LSP1: variants seen among roughly 807,000 people sequenced by gnomAD.
The protein encoded by LSP1 is lymphocyte-specific protein 1.
A neutral mutation model predicts 49.3 loss-of-function variants in LSP1; 32 were observed. That is an observed-to-expected ratio of 0.65 (90% confidence interval 0.49 to 0.87). LSP1 has a LOEUF of 0.87. Ranked by LOEUF, LSP1 falls within the 40% of genes least tolerant of loss-of-function variation. The probability of loss-of-function intolerance (pLI) is 0.00; values close to 1 mark genes in which losing one functional copy is unlikely to be tolerated. For synonymous variants in LSP1, 179 were observed against 178.8 expected, an observed-to-expected ratio of 1.00 and a Z score of -0.01; for missense variants, 428 against 442.6, an observed-to-expected ratio of 0.97 and a Z score of 0.30.
intron 1 of LSP1, among the ~76,000 whole-genome samples, chr11:1,854,541 C>T (rs1259910331): frequency 6.6e-6 from 1 of 152,212 alleles, no homozygotes; most frequent in African/African-American, 2.4e-5. Context: ...TGACTTCTTG[C>T]TGCCAAATCC....
In LSP1 at chr11:1,879,733, G is replaced by C. The variant is rs189187705; in HGVS notation, c.54-354G>C. Among the ~76,000 whole-genome samples, 279 of 152,350 alleles carry C rather than the reference G, an allele frequency of 1.8e-3. 2 individuals carry two copies. Among genetic ancestry groups the C allele is most frequent in the African/African-American group, 6.4e-3 (268 of 41,574 alleles). On this transcript the variant is annotated intron_variant, in intron 1 of 10. Transcript: ENST00000311604. ...GGGTCTAGGTCCTGGTTCTACTTAGGGAGGGAGGCAGGCTGGGAGAGGGGG... is the reference window on the plus strand; with the variant it reads ...GGGTCTAGGTCCTGGTTCTACTTAGCGAGGGAGGCAGGCTGGGAGAGGGGG...
In LSP1 at chr11:1,890,396, G is replaced by A. The variant is rs1308858106; in HGVS notation, c.*14-1377G>A. The A allele has an allele frequency of 1.1e-5, 8 of 717,008 alleles. No homozygotes were observed. In the Admixed American group the frequency reaches 1.6e-4, roughly 14 times the overall value. 44.4% of individuals were successfully genotyped at this position (717,008 alleles called of 1,614,324 possible). On this transcript the variant is annotated intron_variant, in intron 10 of 10. Coordinates refer to ENST00000311604, the MANE Select transcript of LSP1 (RefSeq NM_002339.3). ...CCTCACTCACGGGGGACAGGGAGGT[G>A]CGGAAGGCCCTGGGTGGAGCGAGGT...
intron 1 of LSP1, among the ~76,000 whole-genome samples, chr11:1,861,026 C>T (rs1589806561): frequency 6.6e-6 from 1 of 152,276 alleles, no homozygotes; most frequent in East Asian, 1.9e-4. Context: ...AATCAATAGA[C>T]AATTGAATCC....
chr11:1,873,844 G>GCCGGCAGAGGAGGGAGC (rs1848155153), intron 1 of LSP1, among the ~76,000 whole-genome samples: 3 of 114,868 alleles, frequency 2.6e-5, no homozygotes, highest in Non-Finnish European at 5.8e-5. Flanking sequence ...GAGGAGGGAG[G>GCCGGCAGAGGAGGGAGC]CCGGCAGAGG....
At position 1,880,205 on chromosome 11, in the gene LSP1, C is replaced by T. The variant is rs57352451; in HGVS notation, c.172C>T (p.Arg58Trp). ...DEEGGGHVPE[R>W]PKQEMLLSLK... is the part of the protein sequence containing the mutation. Reference sequence around the variant, plus strand: ...GGAGGGAGGCGGCCATGTCCCCGAGCGGCCGAAGCAGGAGATGCTGTGAGC... The same window carrying T: ...GGAGGGAGGCGGCCATGTCCCCGAGTGGCCGAAGCAGGAGATGCTGTGAGC... The change falls in exon 2 of 11, where the codon CGG (arginine) becomes TGG (tryptophan). Residue 58 changes from arginine (R) to tryptophan (W), a missense_variant. Coordinates refer to ENST00000311604, the MANE Select transcript of LSP1 (RefSeq NM_002339.3). The T allele has an allele frequency of 4.5e-4, 717 of 1,597,744 alleles. 1 individual carries two copies. The African/African-American group carries it at 7.1e-3, about 16-fold the overall frequency.
chr11:1,871,263 TGCA>T, intron 1 of LSP1: 1 of 985,450 alleles, frequency 1.0e-6, no homozygotes, highest in Non-Finnish European at 1.2e-6. Flanking sequence ...GCCGCCGGGA[TGCA>T]GCAGGCAGGG....
chr11:1,863,604 G>A (rs1403777688), intron 1 of LSP1: 2 of 152,308 alleles, frequency 1.3e-5, no homozygotes, highest in Non-Finnish European at 1.5e-5. Flanking sequence ...CCGTCGCGGA[G>A]CTGACCCTCG....
chr11:1,864,295 A>G, intron 1 of LSP1: 1 of 976,100 alleles, frequency 1.0e-6, no homozygotes, highest in South Asian at 4.6e-5. Flanking sequence ...GGAGAAGAAC[A>G]GAGGAGGGCC....
At chr11:1,864,954 C>T (rs372887321) in intron 1 of LSP1, among the ~76,000 whole-genome samples, 1 of 151,896 alleles carries the variant, frequency 6.6e-6, no homozygotes, top group Non-Finnish European at 1.5e-5. Context: ...GAACACCAGA[C>T]AGAGAGAAGG....
chr11:1,876,890 G>A lies in LSP1; in HGVS notation c.54-3197G>A, dbSNP rs1299453927. Among the ~76,000 whole-genome samples, 8 of 152,306 alleles carry A rather than the reference G, an allele frequency of 5.3e-5. No individual in the cohort carries two copies. In the East Asian group the frequency reaches 7.7e-4, roughly 15 times the overall value. On this transcript the variant is annotated intron_variant, in intron 1 of 10. Coordinates refer to ENST00000311604, the MANE Select transcript of LSP1 (RefSeq NM_002339.3). ...TGTCCCTGGCTGGGGGCCAGGCCCC[G>A]AAGTGGAGCCTGGGACTGTGAGGGT...
chr11:1,859,699 C>A (rs1412120354), intron 1 of LSP1, among the ~76,000 whole-genome samples: 19 of 145,304 alleles, frequency 1.3e-4, no homozygotes, highest in African/African-American at 4.6e-4. Flanking sequence ...CTCCAGCCCC[C>A]AGCCCCCAGC....
intron 1 of LSP1, among the ~76,000 whole-genome samples, chr11:1,853,473 G>A (rs1847411547): frequency 6.6e-6 from 1 of 152,214 alleles, no homozygotes; most frequent in African/African-American, 2.4e-5. Context: ...AGCCCATGGT[G>A]GATGCCTGAA....
intron 1 of LSP1, among the ~76,000 whole-genome samples, chr11:1,873,327 C>T (rs1045530193): frequency 1.3e-5 from 2 of 152,130 alleles, no homozygotes; most frequent in Non-Finnish European, 2.9e-5. Context: ...GGCACAGGAG[C>T]CCCTCCTTTG....
intron 1 of LSP1, chr11:1,868,543 C>T (rs1418563975): frequency 1.2e-5 from 7 of 600,828 alleles, no homozygotes; most frequent in Non-Finnish European, 1.5e-5. Flanking sequence ...AATGGGCTGG[C>T]AGCCTGCTGG....
intron 1 of LSP1, among the ~76,000 whole-genome samples, chr11:1,855,483 C>A (rs1847465555): frequency 6.6e-6 from 1 of 152,192 alleles, no homozygotes; most frequent in African/African-American, 2.4e-5. Context: ...GCCCCTCAGA[C>A]TGTCGCATGA....
intron 10 of LSP1, chr11:1,891,298 T>G (rs1848991945): frequency 6.6e-6 from 1 of 152,114 alleles, no homozygotes; most frequent in African/African-American, 2.4e-5. Context: ...ATGGCATCTG[T>G]CCGAGCCAGA....
intron 10 of LSP1, chr11:1,890,462 G>A (rs755764156): frequency 3.1e-4 from 222 of 717,212 alleles, no homozygotes; most frequent in Middle Eastern, 1.1e-3. Context: ...CCTTCCTCAG[G>A]AGCTTCTGCA....
chr11:1,868,256 G>A (rs182156738), intron 1 of LSP1, among the ~76,000 whole-genome samples: 141 of 152,368 alleles, frequency 9.3e-4, no homozygotes, highest in African/African-American at 3.2e-3. Flanking sequence ...AGCCTGGCCC[G>A]GAGTGAAGAG....
intron 1 of LSP1, among the ~76,000 whole-genome samples, chr11:1,861,631 G>A (rs1197088689): frequency 6.8e-6 from 1 of 147,718 alleles, no homozygotes; most frequent in African/African-American, 2.5e-5. Context: ...GGATGGATAG[G>A]TGAATAGATG....
Sources: gnomAD v4.1 joint callset for allele counts (sites outside exome capture counted in the v4.1 genomes callset) on GRCh38, gnomAD v4.1.1 for gene constraint, MANE v1.5 for transcripts, NCBI Gene and HGNC (gene_info 2026-07-23, HGNC 2026-07-21) for gene names.